The following PTPRN2 variants were observed in gnomAD, a reference collection of about 807,000 sequenced individuals.
PTPRN2 encodes receptor-type tyrosine-protein phosphatase N2.
A neutral mutation model predicts 118.8 loss-of-function variants in PTPRN2; 74 were observed. The observed-to-expected ratio is 0.62, with a 90% CI of 0.52 to 0.76. The LOEUF is 0.76. PTPRN2 is among the 30% of genes least tolerant of loss of function. PTPRN2 has a pLI of 0.00. For synonymous variants in PTPRN2, 641 were observed against 608.0 expected, an observed-to-expected ratio of 1.05 and a Z score of -0.80; for missense variants, 1,481 against 1,394.4, an observed-to-expected ratio of 1.06 and a Z score of -0.99.
At chr7:157,677,228 G>T (rs1421973489) in intron 13 of PTPRN2, among the ~76,000 whole-genome samples, 2 of 152,194 alleles carry the variant, frequency 1.3e-5, no homozygotes, top group Non-Finnish European at 2.9e-5. Flanking sequence ...CCAAAATGAA[G>T]CCACAGAATT....
At position 158,176,500 on chromosome 7, in the gene PTPRN2, C is replaced by T. The variant is rs567361150; in HGVS notation, c.550-9209G>A. On this transcript the variant is annotated intron_variant, in intron 5 of 22. Coordinates refer to ENST00000389418, the MANE Select transcript of PTPRN2 (RefSeq NM_002847.5). Reference sequence around the variant, plus strand: ...TCTGTCGAGTGACAGACACCAAACACGCCGAGTGAACAGAGGAACCGTAAG... The same window carrying T: ...TCTGTCGAGTGACAGACACCAAACATGCCGAGTGAACAGAGGAACCGTAAG... Among the ~76,000 whole-genome samples, 16 of 152,296 alleles carry T rather than the reference C, an allele frequency of 1.1e-4. No individual in the cohort carries two copies. The South Asian group carries it at 1.4e-3, about 14-fold the overall frequency.
intron 9 of PTPRN2, among the ~76,000 whole-genome samples, chr7:158,129,718 AC>A (rs2150418562): frequency 6.6e-6 from 1 of 152,312 alleles, no homozygotes; most frequent in South Asian, 2.1e-4. Flanking sequence ...GGTCTGCGTC[AC>A]CCAGTGCTGA....
rs117169210 is a variant in PTPRN2 at position 157,970,512 on chromosome 7, G to A, written c.1724-71775C>T. Among the ~76,000 whole-genome samples the A allele has an allele frequency of 5.4e-3, 820 of 152,276 alleles. 24 individuals carry two copies. The South Asian group carries it at 0.055, about 10-fold the overall frequency. On this transcript the variant is annotated intron_variant, in intron 11 of 22. Coordinates refer to ENST00000389418, the MANE Select transcript of PTPRN2 (RefSeq NM_002847.5). ...GGGAGTGAAGCTGTGCCAGAGCCACGCTGATGGCGTCCTCACCATTGGTGC... is the reference window on the plus strand; with the variant it reads ...GGGAGTGAAGCTGTGCCAGAGCCACACTGATGGCGTCCTCACCATTGGTGC...
chr7:157,697,787 CATCTACCCAT>C (rs1797873945), intron 12 of PTPRN2, among the ~76,000 whole-genome samples: 1 of 137,710 alleles, frequency 7.3e-6, no homozygotes, highest in African/African-American at 2.8e-5. Context: ...GAGCCCTCAC[CATCTACCCAT>C]GCATACTGGG....
At chr7:157,815,771 C>G (rs1054158320) in intron 12 of PTPRN2, among the ~76,000 whole-genome samples, 1 of 152,142 alleles carries the variant, frequency 6.6e-6, no homozygotes, top group Non-Finnish European at 1.5e-5. Context: ...TGAGCTGGGG[C>G]GCGCGCACAT....
chr7:158,150,446 C>G (rs899955062), intron 6 of PTPRN2, among the ~76,000 whole-genome samples: 2 of 152,188 alleles, frequency 1.3e-5, no homozygotes, highest in Non-Finnish European at 2.9e-5. Flanking sequence ...GCCGCCCTGA[C>G]CTGGCACTGA....
At chr7:158,586,946 G>C (rs1475152558) in intron 1 of PTPRN2, among the ~76,000 whole-genome samples, 2 of 151,840 alleles carry the variant, frequency 1.3e-5, no homozygotes, top group African/African-American at 4.8e-5. Flanking sequence ...GTAGAGGCAG[G>C]AGGCGGCGCC....
intron 4 of PTPRN2, among the ~76,000 whole-genome samples, chr7:158,194,624 T>G (rs1230123174): frequency 6.6e-6 from 1 of 152,226 alleles, no homozygotes; most frequent in Non-Finnish European, 1.5e-5. Flanking sequence ...TGCGGTCAGC[T>G]GCCATCTGCT....
At chr7:158,086,885 C>T (rs999911396) in intron 10 of PTPRN2, among the ~76,000 whole-genome samples, 1 of 152,146 alleles carries the variant, frequency 6.6e-6, no homozygotes, top group Non-Finnish European at 1.5e-5. Flanking sequence ...CATCAATAAC[C>T]TTATTATCTT....
At chr7:158,149,615 C>G (rs891781115) in intron 6 of PTPRN2, among the ~76,000 whole-genome samples, 1 of 152,018 alleles carries the variant, frequency 6.6e-6, no homozygotes, top group South Asian at 2.1e-4. Context: ...CCAGCCTGGC[C>G]AACATGGTGG....
chr7:158,337,596 C>T (rs10278507), intron 2 of PTPRN2, among the ~76,000 whole-genome samples: 3 of 100,460 alleles, frequency 3.0e-5, no homozygotes, highest in African/African-American at 7.0e-5. Flanking sequence ...ACGTCACTCA[C>T]ACCCACACTC....
At chr7:157,894,860 C>T (rs1489749528) in intron 12 of PTPRN2, among the ~76,000 whole-genome samples, 3 of 152,198 alleles carry the variant, frequency 2.0e-5, no homozygotes, top group African/African-American at 7.2e-5. Flanking sequence ...GCACGGTCCA[C>T]ACTTTATTGA....
intron 11 of PTPRN2, among the ~76,000 whole-genome samples, chr7:157,968,390 G>A (rs560376755): frequency 4.0e-4 from 61 of 152,338 alleles, no homozygotes; most frequent in African/African-American, 1.4e-3. Context: ...ATCGTCTGCA[G>A]TAAGTGAGGA....
At chr7:158,025,575 C>A (rs767172874) in intron 11 of PTPRN2, among the ~76,000 whole-genome samples, 18 of 152,208 alleles carry the variant, frequency 1.2e-4, no homozygotes, top group Non-Finnish European at 2.6e-4. Flanking sequence ...TATCAAATAA[C>A]CTCACTTAAG....
At chr7:157,722,355 A>AG (rs555644397) in intron 12 of PTPRN2, among the ~76,000 whole-genome samples, 42 of 152,258 alleles carry the variant, frequency 2.8e-4, no homozygotes, top group African/African-American at 9.4e-4. Context: ...ATGGTCTCTC[A>AG]GGGGGGGTCC....
At chr7:157,938,860 C>G (rs1799880258) in intron 11 of PTPRN2, among the ~76,000 whole-genome samples, 1 of 152,204 alleles carries the variant, frequency 6.6e-6, no homozygotes, top group South Asian at 2.1e-4. Flanking sequence ...ACCGGAGTGG[C>G]CCACAGAAAA....
rs114181960 is a variant in PTPRN2, at chr7:157,987,648, T to C, written c.1724-88911A>G. ...GGTTTTGTTCACACTGGGTGAACAG[T>C]TGGAATACAGGTTCCTCGGGCCTGT... On this transcript the variant is annotated intron_variant, in intron 11 of 22. Transcript: ENST00000389418. The surrounding 1 kb of genome is among the most constrained non-coding windows in gnomAD (Gnocchi z 4.3). Among the ~76,000 whole-genome samples the C allele has an allele frequency of 5.3e-5, 8 of 152,104 alleles. No individual in the cohort carries two copies. Among genetic ancestry groups the C allele is most frequent in the East Asian group, 3.9e-4 (2 of 5,188 alleles).
intron 21 of PTPRN2, among the ~76,000 whole-genome samples, chr7:157,565,239 G>A (rs910481665): frequency 2.6e-5 from 4 of 152,176 alleles, no homozygotes; most frequent in Non-Finnish European, 5.9e-5. Flanking sequence ...ACACCCCACC[G>A]TCCACTCACA....
rs117975324 is a variant in PTPRN2, at chr7:158,377,571, C to T, written c.164-60639G>A. 7.2e-3 allele frequency among the ~76,000 whole-genome samples: 1,101 copies of T among 152,192 alleles called. 11 individuals carry two copies. Among genetic ancestry groups the T allele is most frequent in the Non-Finnish European group, 0.01 (706 of 68,000 alleles). ...GGAGGAGGCAGGCAACTGGCTGGCT[C>T]GGCTTGGGGGTGGAAATGCACACAC... On this transcript the variant is annotated intron_variant, in intron 2 of 22. Transcript: ENST00000389418.
Sources: gnomAD v4.1 joint callset for allele counts (sites outside exome capture counted in the v4.1 genomes callset) on GRCh38, gnomAD v4.1.1 for gene constraint, Gnocchi (gnomAD v3.1) non-coding constraint, MANE v1.5 for transcripts, NCBI Gene and HGNC (gene_info 2026-07-23, HGNC 2026-07-21) for gene names.